The following ARHGAP15 variants were observed in gnomAD, a reference collection of about 807,000 sequenced individuals.
ARHGAP15 encodes the protein rho GTPase-activating protein 15.
A neutral mutation model predicts 63.7 loss-of-function variants in ARHGAP15; 51 were observed. The ratio of observed to expected loss-of-function variants is 0.80; its 90% CI spans 0.64 to 1.01. The LOEUF (loss-of-function observed/expected upper bound fraction) is 1.01. Ranked by LOEUF, ARHGAP15 falls within the 50% of genes least tolerant of loss-of-function variation. The pLI is 0.00. For synonymous variants in ARHGAP15, 191 were observed against 193.8 expected (o/e 0.99, Z 0.12); for missense variants, 560 against 564.6 (o/e 0.99, Z 0.08).
intron 6 of ARHGAP15, among the ~76,000 whole-genome samples, chr2:143,301,623 T>C (rs908526795): frequency 6.6e-6 from 1 of 151,970 alleles, no homozygotes; most frequent in African/African-American, 2.4e-5. Flanking sequence ...TGCTTAATGC[T>C]AATATAGCAC....
At chr2:143,212,050 G>A (rs1324180455) in intron 3 of ARHGAP15, among the ~76,000 whole-genome samples, 1 of 152,068 alleles carries the variant, frequency 6.6e-6, no homozygotes, top group Non-Finnish European at 1.5e-5. Flanking sequence ...AAACAGAAAG[G>A]GTTATTTTAA....
chr2:143,330,132 C>CAA lies in ARHGAP15; in HGVS notation c.474+79532_474+79533insAA, dbSNP rs367621500. 2.0e-4 allele frequency among the ~76,000 whole-genome samples: 10 copies of CAA among 48,952 alleles called. No individual in the cohort carries two copies. The East Asian group carries it at 2.7e-3, about 13-fold the overall frequency. 32.1% of individuals were successfully genotyped at this position (48,952 alleles called of 152,430 possible). A position where few individuals can be genotyped will look rare whatever the true frequency, so the allele number is the denominator to read the frequency against. On this transcript the variant is annotated intron_variant, in intron 6 of 13. Transcript: ENST00000295095. ...AAAAAAAAAAAAAAAAAAAAAAAAACCAAAAACAAAAAACTAAACTAATGA... is the reference window on the plus strand; with the variant it reads ...AAAAAAAAAAAAAAAAAAAAAAAAACAACAAAAACAAAAAACTAAACTAATGA...
rs1179528791 is a variant in ARHGAP15, at chr2:143,144,746, ACC to A, written c.-14-10728_-14-10727del. On this transcript the variant is annotated intron_variant, in intron 1 of 13. Transcript: ENST00000295095. ...ATTTTCAACTATTGCCCATACCCCT[ACC>A]CCTCACCAGCATATTCTAAAGTGAA... 2.6e-5 allele frequency among the ~76,000 whole-genome samples: 4 copies of A among 151,866 alleles called. No homozygotes were observed. In the East Asian group the frequency reaches 7.8e-4, roughly 29 times the overall value.
intron 2 of ARHGAP15, among the ~76,000 whole-genome samples, chr2:143,199,460 G>A (rs1692017603): frequency 6.6e-6 from 1 of 152,024 alleles, no homozygotes; most frequent in South Asian, 2.1e-4. Context: ...AAAACAAAGT[G>A]AGCTTTACTG....
intron 13 of ARHGAP15, among the ~76,000 whole-genome samples, chr2:143,764,483 C>G (rs1327280655): frequency 2.6e-5 from 4 of 152,164 alleles, no homozygotes; most frequent in Non-Finnish European, 1.5e-5. Context: ...AAGACCAGGT[C>G]TTTTGCTGAG....
rs558611067 is a variant in ARHGAP15 at position 143,346,154 on chromosome 2, G to GCACA, written c.475-89431_475-89428dup. On this transcript the variant is annotated intron_variant, in intron 6 of 13. Transcript: ENST00000295095. ...ATACAGTCATGTCCTGTACAAATGA[G>GCACA]CACACACACACACACACACTCTCTC... Among the ~76,000 whole-genome samples, 218 of 119,808 alleles carry GCACA rather than the reference G, an allele frequency of 1.8e-3. 2 individuals carry two copies. The highest frequency in any genetic ancestry group is 5.8e-3 in the African/African-American group (155 of 26,778). 78.6% of individuals were successfully genotyped at this position (119,808 alleles called of 152,430 possible). A position where few individuals can be genotyped will look rare whatever the true frequency, so the allele number is the denominator to read the frequency against.
At chr2:143,159,143 T>C (rs1690194544) in intron 2 of ARHGAP15, among the ~76,000 whole-genome samples, 1 of 151,906 alleles carries the variant, frequency 6.6e-6, no homozygotes, top group Admixed American at 6.6e-5. Context: ...GGAAAATATT[T>C]TTTATTGGTG....
intron 6 of ARHGAP15, among the ~76,000 whole-genome samples, chr2:143,400,864 G>A (rs1295464378): frequency 6.6e-6 from 1 of 151,934 alleles, no homozygotes; most frequent in African/African-American, 2.4e-5. Context: ...AGCTGATTGG[G>A]GACTTATTGA....
At chr2:143,418,670 T>C (rs1463060608) in intron 6 of ARHGAP15, among the ~76,000 whole-genome samples, 3 of 152,136 alleles carry the variant, frequency 2.0e-5, no homozygotes, top group African/African-American at 4.8e-5. Context: ...ACCTAAAGCT[T>C]ACAATGGAAA....
At chr2:143,627,973 A>ACCTC (rs2105248666) in intron 12 of ARHGAP15, among the ~76,000 whole-genome samples, 1 of 149,212 alleles carries the variant, frequency 6.7e-6, no homozygotes, top group South Asian at 2.1e-4. Flanking sequence ...ACTCTTGCTC[A>ACCTC]CCTCCCTCCC....
In ARHGAP15 at chr2:143,567,458, T is replaced by C. The variant is rs564147064; in HGVS notation, c.1003+10973T>C. On this transcript the variant is annotated intron_variant, in intron 11 of 13. Transcript: ENST00000295095. The stretch of plus-strand genomic sequence containing the variant: ...AAAGAATATCTTAAGAATTTGAGAG[T>C]TGCTTTCTAGTCAGTCCAGTGAAAG... 4.6e-5 allele frequency among the ~76,000 whole-genome samples: 7 copies of C among 152,134 alleles called. No individual in the cohort carries two copies. In the East Asian group the frequency reaches 1.4e-3, roughly 29 times the overall value.
intron 6 of ARHGAP15, among the ~76,000 whole-genome samples, chr2:143,365,251 C>A (rs1468778960): frequency 6.6e-6 from 1 of 152,140 alleles, no homozygotes; most frequent in Non-Finnish European, 1.5e-5. Context: ...TCATCTTTGG[C>A]TTCTCTTCTC....
rs184746790 is a variant in ARHGAP15, at chr2:143,767,811, C to T, written c.1245-178C>T. 5.3e-4 allele frequency among the ~76,000 whole-genome samples: 81 copies of T among 152,210 alleles called. 1 individual carries two copies. The highest frequency in any genetic ancestry group is 5.2e-3 in the Admixed American group (80 of 15,276). On this transcript the variant is annotated intron_variant, in intron 13 of 13. Transcript: ENST00000295095. Reference sequence around the variant, plus strand: ...AAAAAGTTGGACAAGGCAATGTATCCTTTCCCCAAAACTCATAGGTTCTAC... The same window carrying T: ...AAAAAGTTGGACAAGGCAATGTATCTTTTCCCCAAAACTCATAGGTTCTAC...
At chr2:143,274,212 G>T (rs1456842203) in intron 6 of ARHGAP15, among the ~76,000 whole-genome samples, 2 of 151,952 alleles carry the variant, frequency 1.3e-5, no homozygotes, top group Non-Finnish European at 2.9e-5. Context: ...TCTACTCCTT[G>T]TTATCTGGGC....
chr2:143,556,248 C>T (rs1392021099), intron 10 of ARHGAP15, among the ~76,000 whole-genome samples, 160 bp from the exon 11 acceptor site: 2 of 152,062 alleles, frequency 1.3e-5, no homozygotes, highest in Non-Finnish European at 2.9e-5. Flanking sequence ...ACCATGATTA[C>T]TTTGAGATTA....
chr2:143,224,387 T>C (rs1200204619), intron 4 of ARHGAP15, among the ~76,000 whole-genome samples: 2 of 152,046 alleles, frequency 1.3e-5, no homozygotes, highest in African/African-American at 2.4e-5. Context: ...GGCCATATAC[T>C]CTTTTACTCA....
chr2:143,412,297 T>C (rs1022958558), intron 6 of ARHGAP15, among the ~76,000 whole-genome samples: 8 of 151,736 alleles, frequency 5.3e-5, no homozygotes, highest in African/African-American at 1.9e-4. Context: ...GGATTAAATA[T>C]AATAGTACGA....
chr2:143,608,783 A>T (rs1471540988), intron 11 of ARHGAP15: 1 of 152,242 alleles, frequency 6.6e-6, no homozygotes, highest in African/African-American at 2.4e-5. Context: ...TTCACTTTAA[A>T]AAAAGTGATA....
chr2:143,626,333 G>A (rs578262459), intron 12 of ARHGAP15, among the ~76,000 whole-genome samples: 4 of 152,144 alleles, frequency 2.6e-5, no homozygotes, highest in African/African-American at 4.8e-5. Flanking sequence ...AGGAGACTTC[G>A]TCCTTCATTG....
Sources: allele counts gnomAD v4.1 joint callset (sites outside exome capture counted in the v4.1 genomes callset), GRCh38; gene constraint gnomAD v4.1.1; transcripts MANE v1.5; gene names NCBI Gene and HGNC (gene_info 2026-07-23, HGNC 2026-07-21).